Variants in INPP4B observed in about 807,000 individuals in gnomAD.
INPP4B encodes the protein inositol polyphosphate 4-phosphatase type II.
A neutral mutation model predicts 122.5 loss-of-function variants in INPP4B; 55 were observed. The ratio of observed to expected loss-of-function variants is 0.45; its 90% CI spans 0.36 to 0.56. INPP4B has a LOEUF of 0.56. Among genes scored for constraint, INPP4B ranks in the 20% least tolerant of loss-of-function variants. INPP4B has a pLI of 0.00. For missense variants in INPP4B, 1,000 were observed against 1,097.7 expected (o/e 0.91, Z 1.26); for synonymous variants, 403 against 388.7 (o/e 1.04, Z -0.43).
intron 1 of INPP4B, among the ~76,000 whole-genome samples, chr4:142,746,732 T>A (rs1768813924): frequency 6.6e-6 from 1 of 152,038 alleles, no homozygotes; most frequent in African/African-American, 2.4e-5. Context: ...TCTACAACCA[T>A]CTGCTCTTTG....
In INPP4B at chr4:142,246,703, C is replaced by G. The variant is rs13435003; in HGVS notation, c.689-8692G>C. The stretch of plus-strand genomic sequence containing the variant: ...AGCTTAAGGAGATTTGGGGCTAAGT[C>G]GATGGGGTTTTCTAAATATAGAATC... On this transcript the variant is annotated intron_variant, in intron 11 of 25. Transcript: ENST00000262992. 4.6e-3 allele frequency among the ~76,000 whole-genome samples: 696 copies of G among 152,220 alleles called. 4 individuals are homozygous for G. The highest frequency in any genetic ancestry group is 0.016 in the African/African-American group (658 of 41,522).
chr4:142,192,327 T>A (rs1375299961), intron 15 of INPP4B, among the ~76,000 whole-genome samples: 13 of 6,862 alleles, frequency 1.9e-3, no homozygotes, highest in Non-Finnish European at 8.8e-3. Context: ...CCTTGGAATC[T>A]AAAAGTAAAA....
intron 1 of INPP4B, among the ~76,000 whole-genome samples, chr4:142,736,813 T>C (rs923683283): frequency 1.3e-5 from 2 of 152,174 alleles, no homozygotes; most frequent in Admixed American, 6.6e-5. Flanking sequence ...CTGATTGCCC[T>C]GGCCAGAACT....
At chr4:142,358,587 G>A (rs1784362982) in intron 7 of INPP4B, among the ~76,000 whole-genome samples, 1 of 150,348 alleles carries the variant, frequency 6.7e-6, no homozygotes, top group African/African-American at 2.5e-5. Context: ...GCTACGCCTA[G>A]GCTATACCCC....
At position 142,662,468 on chromosome 4, in the gene INPP4B, A is replaced by T. The variant is rs561525439; in HGVS notation, c.-191+63371T>A. Among the ~76,000 whole-genome samples the T allele has an allele frequency of 3.9e-5, 6 of 152,268 alleles. No individual in the cohort carries two copies. The South Asian group carries it at 1.2e-3, about 32-fold the overall frequency. On this transcript the variant is annotated intron_variant, in intron 2 of 25. Coordinates refer to ENST00000262992, the MANE Select transcript of INPP4B (RefSeq NM_001101669.3). ...AATTTTCCCCTCTCTATTTCAGAGC[A>T]TGGTGTTGATGACGCGGGGAGGTGG...
intron 2 of INPP4B, among the ~76,000 whole-genome samples, chr4:142,498,092 A>G (rs772946006): frequency 8.7e-5 from 12 of 137,974 alleles, no homozygotes; most frequent in Non-Finnish European, 1.4e-4. Flanking sequence ...CTTGCAATGT[A>G]TTTTGTGTGT....
At chr4:142,100,294 C>T (rs747066540) in intron 23 of INPP4B, among the ~76,000 whole-genome samples, 1 of 151,898 alleles carries the variant, frequency 6.6e-6, no homozygotes, top group Admixed American at 6.6e-5. Context: ...TCTTAAGGGC[C>T]CCTGGAAGTG....
At chr4:142,242,666 C>G (rs1860043546) in intron 11 of INPP4B, among the ~76,000 whole-genome samples, 1 of 152,164 alleles carries the variant, frequency 6.6e-6, no homozygotes, top group South Asian at 2.1e-4. Flanking sequence ...ATCACAGGAA[C>G]CCCCCACTTT....
chr4:142,674,354 G>C (rs903865637), intron 2 of INPP4B, among the ~76,000 whole-genome samples: 2 of 152,098 alleles, frequency 1.3e-5, no homozygotes, highest in Non-Finnish European at 2.9e-5. Context: ...GAGTAAGTCT[G>C]AGGTACAGTC....
intron 7 of INPP4B, among the ~76,000 whole-genome samples, chr4:142,336,119 C>T (rs774428581): frequency 6.6e-6 from 1 of 152,226 alleles, no homozygotes; most frequent in Non-Finnish European, 1.5e-5. Flanking sequence ...GGGCTACCCA[C>T]TCTCGGGTTC....
intron 1 of INPP4B, among the ~76,000 whole-genome samples, chr4:142,775,478 A>G (rs1773717646): frequency 6.6e-6 from 1 of 150,538 alleles, no homozygotes; most frequent in Non-Finnish European, 1.5e-5. Flanking sequence ...TACCCTCTGC[A>G]TATTTTGTTC....
In INPP4B at chr4:142,123,488, C is replaced by T. The variant is rs921514076; in HGVS notation, c.1894-73G>A. ...TGTTTTATTTTGAAATATTTTAAGA[C>T]TTCTGAGGCATCACAGATTCGATTA... On this transcript the variant is annotated intron_variant, in intron 19 of 25. Transcript: ENST00000262992. The T allele has an allele frequency of 2.2e-4, 321 of 1,439,924 alleles. No homozygotes were observed. In the African/African-American group the frequency reaches 3.9e-3, roughly 17 times the overall value. The allele number at this position is 1,439,924 out of a possible 1,614,324, so 89.2% of individuals were successfully genotyped here.
chr4:142,552,305 G>A (rs1186721880), intron 2 of INPP4B, among the ~76,000 whole-genome samples: 1 of 152,142 alleles, frequency 6.6e-6, no homozygotes, highest in Non-Finnish European at 1.5e-5. Context: ...CTGAGATTAT[G>A]CATTTCTAAC....
At chr4:142,590,894 A>AAAAAAAAAAAAAC (rs1737327438) in intron 2 of INPP4B, among the ~76,000 whole-genome samples, 1 of 150,264 alleles carries the variant, frequency 6.7e-6, no homozygotes. Context: ...AAAAAAAAAA[A>AAAAAAAAAAAAAC]AAAAAACAAA....
intron 2 of INPP4B, among the ~76,000 whole-genome samples, chr4:142,603,122 G>T (rs1237766370): frequency 6.6e-6 from 1 of 152,074 alleles, no homozygotes; most frequent in Non-Finnish European, 1.5e-5. Context: ...GCAAACCTAT[G>T]CAGAAAAGGA....
At chr4:142,431,085 G>T in intron 4 of INPP4B, 84 bp downstream of exon 4, 1 of 921,596 alleles carries the variant, frequency 1.1e-6, no homozygotes, top group Non-Finnish European at 1.7e-6. Flanking sequence ...ATGAATCTAT[G>T]AATGCATGTA....
intron 8 of INPP4B, chr4:142,305,982 C>G: frequency 1.1e-6 from 1 of 927,800 alleles, no homozygotes; most frequent in Non-Finnish European, 1.3e-6. Context: ...TTATGTGGGA[C>G]TTTGTACAAG....
intron 2 of INPP4B, among the ~76,000 whole-genome samples, chr4:142,700,412 G>A (rs1179423931): frequency 6.6e-6 from 1 of 151,822 alleles, no homozygotes; most frequent in African/African-American, 2.4e-5. Context: ...ATTCTTTTTT[G>A]TGCTGTATCT....
chr4:142,541,376 G>A (rs1234788888), intron 2 of INPP4B, among the ~76,000 whole-genome samples: 1 of 152,172 alleles, frequency 6.6e-6, no homozygotes, highest in African/African-American at 2.4e-5. Context: ...ACTAGCAAAT[G>A]TCTGCAAGGG....
Sources: allele counts gnomAD v4.1 joint callset (sites outside exome capture counted in the v4.1 genomes callset), GRCh38; gene constraint gnomAD v4.1.1; transcripts MANE v1.5; gene names NCBI Gene and HGNC (gene_info 2026-07-23, HGNC 2026-07-21).